POFUT3: variants seen among roughly 807,000 people sequenced by gnomAD.
POFUT3 encodes protein O-fucosyltransferase 3, also known as GDP-fucose protein O-fucosyltransferase 3.
chr8:33,331,663 T>TTTG, the POFUT3 span, among the ~76,000 whole-genome samples: 2,362 of 151,410 alleles, frequency 0.016, 47 homozygotes, highest in Admixed American at 0.053. Context: ...CTCTAAAGAT[T>TTTG]TTGTTGTTGT....
At chr8:33,352,476 A>G in the POFUT3 span, among the ~76,000 whole-genome samples, 2 of 152,196 alleles carry the variant, frequency 1.3e-5, no homozygotes, top group South Asian at 4.1e-4. Flanking sequence ...TGGAGAAGTT[A>G]TTTAACAATG....
the POFUT3 span, among the ~76,000 whole-genome samples, chr8:33,333,575 C>T: frequency 1.3e-5 from 2 of 151,968 alleles, no homozygotes; most frequent in South Asian, 2.1e-4. Flanking sequence ...AGAGCTGGGA[C>T]CAGGGGTAGA....
chr8:33,399,810 C>T, the POFUT3 span, among the ~76,000 whole-genome samples: 4 of 152,050 alleles, frequency 2.6e-5, no homozygotes, highest in East Asian at 2.0e-4. Flanking sequence ...TGCACCACCA[C>T]GCCCGGCTAA....
the POFUT3 span, among the ~76,000 whole-genome samples, chr8:33,396,755 T>C: frequency 6.6e-6 from 1 of 152,200 alleles, no homozygotes; most frequent in African/African-American, 2.4e-5. Context: ...TACAGAATAC[T>C]GAGACCCAGG....
At chr8:33,340,397 CAT>C in the POFUT3 span, among the ~76,000 whole-genome samples, 574 of 150,824 alleles carry the variant, frequency 3.8e-3, 2 homozygotes, top group African/African-American at 0.012. Context: ...TATATATATA[CAT>C]GTGTGTGTGT....
chr8:33,423,561 T>C, the POFUT3 span, among the ~76,000 whole-genome samples: 26 of 152,196 alleles, frequency 1.7e-4, no homozygotes, highest in African/African-American at 6.3e-4. Context: ...TGAGCCACCA[T>C]TTCCAGACCA....
the POFUT3 span, among the ~76,000 whole-genome samples, chr8:33,408,886 C>T: frequency 6.6e-6 from 1 of 151,978 alleles, no homozygotes; most frequent in African/African-American, 2.4e-5. Flanking sequence ...TTACATGATA[C>T]ACTTGTCAGA....
chr8:33,333,028 A>G, the POFUT3 span, among the ~76,000 whole-genome samples: 1 of 152,210 alleles, frequency 6.6e-6, no homozygotes, highest in African/African-American at 2.4e-5. Context: ...CATTTCTAAA[A>G]TGTCTACAAG....
chr8:33,445,187 G>C, the POFUT3 span, among the ~76,000 whole-genome samples: 8 of 152,010 alleles, frequency 5.3e-5, no homozygotes, highest in Non-Finnish European at 1.2e-4. Context: ...GCCTGCCTTG[G>C]CCTCCCAAAG....
the POFUT3 span, among the ~76,000 whole-genome samples, chr8:33,424,454 T>C: frequency 6.6e-6 from 1 of 152,184 alleles, no homozygotes; most frequent in African/African-American, 2.4e-5. Context: ...AAAATGAAGC[T>C]GCTACCAGCA....
At chr8:33,322,137 C>T in the POFUT3 span, among the ~76,000 whole-genome samples, 3 of 152,110 alleles carry the variant, frequency 2.0e-5, no homozygotes, top group Non-Finnish European at 2.9e-5. Context: ...GGACTGAGTT[C>T]TTGGTCTTCG....
At chr8:33,458,670 C>T in the POFUT3 span, among the ~76,000 whole-genome samples, 9 of 151,800 alleles carry the variant, frequency 5.9e-5, no homozygotes, top group African/African-American at 1.9e-4. Flanking sequence ...GAGCCCAGAT[C>T]GCACCTTGCA....
At chr8:33,445,636 G>C in the POFUT3 span, among the ~76,000 whole-genome samples, 1 of 152,110 alleles carries the variant, frequency 6.6e-6, no homozygotes, top group Admixed American at 6.6e-5. Flanking sequence ...CCTGGCAAAT[G>C]GTGACCCTCC....
the POFUT3 span, among the ~76,000 whole-genome samples, chr8:33,457,972 G>T: frequency 1.3e-5 from 2 of 152,014 alleles, no homozygotes; most frequent in Non-Finnish European, 2.9e-5. Flanking sequence ...GGGCTAAATT[G>T]TATACCCCAA....
the POFUT3 span, among the ~76,000 whole-genome samples, chr8:33,434,526 G>A: frequency 6.6e-6 from 1 of 152,188 alleles, no homozygotes; most frequent in Non-Finnish European, 1.5e-5. Context: ...AGGACCTAGT[G>A]TTTAACACAG....
At chr8:33,334,531 C>A in the POFUT3 span, among the ~76,000 whole-genome samples, 3 of 152,130 alleles carry the variant, frequency 2.0e-5, no homozygotes, top group African/African-American at 7.2e-5. Flanking sequence ...GCAGATTCTT[C>A]AGCAGTAGTA....
the POFUT3 span, among the ~76,000 whole-genome samples, chr8:33,332,261 A>T: frequency 6.6e-6 from 1 of 151,200 alleles, no homozygotes; most frequent in African/African-American, 2.4e-5. Flanking sequence ...AGGCGGGCAG[A>T]TTATTTGAGA....
chr8:33,331,821 G>T, the POFUT3 span, among the ~76,000 whole-genome samples: 1 of 151,840 alleles, frequency 6.6e-6, no homozygotes, highest in African/African-American at 2.4e-5. Context: ...GACTACAGGC[G>T]CCCGCCACCA....
At chr8:33,371,020 C>T in the POFUT3 span, 1 of 152,130 alleles carries the variant, frequency 6.6e-6, no homozygotes, top group African/African-American at 2.4e-5. Context: ...GTTTGTTACC[C>T]TCTTTAGTAA....
Sources: allele counts gnomAD v4.1 joint callset (sites outside exome capture counted in the v4.1 genomes callset), GRCh38; gene constraint gnomAD v4.1.1; transcripts MANE v1.5; gene names NCBI Gene and HGNC (gene_info 2026-07-23, HGNC 2026-07-21).